The following ANGPT1 variants were observed in gnomAD, a reference collection of about 807,000 sequenced individuals.
ANGPT1 encodes angiopoietin 1.
Under a neutral mutation model 62.2 loss-of-function variants are expected in ANGPT1, and 17 were observed. The observed-to-expected ratio is 0.27, with a 90% confidence interval of 0.19 to 0.41. The LOEUF is 0.41. ANGPT1 is among the 10% of genes least tolerant of loss of function. ANGPT1 has a pLI of 1.00. For missense variants in ANGPT1, 478 were observed against 594.9 expected (o/e 0.80, Z 2.04); for synonymous variants, 199 against 198.9 (o/e 1.00, Z 0.00).
chr8:107,306,358 A>G (rs1246813107), intron 4 of ANGPT1, among the ~76,000 whole-genome samples: 1 of 152,168 alleles, frequency 6.6e-6, no homozygotes, highest in Non-Finnish European at 1.5e-5. Flanking sequence ...CATTGTTTAC[A>G]TTTAAGAAAA....
chr8:107,326,628 T>G (rs561109927), intron 3 of ANGPT1, among the ~76,000 whole-genome samples: 2 of 152,222 alleles, frequency 1.3e-5, no homozygotes, highest in Admixed American at 1.3e-4. Flanking sequence ...CCAAAATGGT[T>G]TCAATGCAAA....
chr8:107,253,531 T>G lies in ANGPT1; in HGVS notation c.1337-1516A>C, dbSNP rs114922025. ...TTTTCTGTGACCTTCTTGAAGCACTTTTCCATTGCATTAATGAACTTTTTT... is the reference window on the plus strand; with the variant it reads ...TTTTCTGTGACCTTCTTGAAGCACTGTTCCATTGCATTAATGAACTTTTTT... On this transcript the variant is annotated intron_variant, in intron 8 of 8. Coordinates refer to ENST00000517746, the MANE Select transcript of ANGPT1 (RefSeq NM_001146.5). Among the ~76,000 whole-genome samples the G allele has an allele frequency of 4.8e-3, 734 of 152,324 alleles. 4 individuals carry two copies. The highest frequency in any genetic ancestry group is 0.017 in the African/African-American group (696 of 41,574).
chr8:107,327,663 C>T (rs183361734), intron 3 of ANGPT1, among the ~76,000 whole-genome samples: 3 of 152,242 alleles, frequency 2.0e-5, no homozygotes, highest in African/African-American at 7.2e-5. Context: ...TAAATCTATA[C>T]AAATTGAGCT....
At chr8:107,323,079 T>C (rs932101827) in intron 3 of ANGPT1, among the ~76,000 whole-genome samples, 4 of 152,188 alleles carry the variant, frequency 2.6e-5, no homozygotes, top group African/African-American at 9.6e-5. Flanking sequence ...GGAGTTGGGA[T>C]GCTTTGCTCA....
chr8:107,293,641 G>A (rs1258993113), intron 6 of ANGPT1, among the ~76,000 whole-genome samples: 4 of 152,062 alleles, frequency 2.6e-5, no homozygotes, highest in Non-Finnish European at 5.9e-5. Flanking sequence ...CGTATCCAAC[G>A]AAGGTCTGAG....
intron 3 of ANGPT1, among the ~76,000 whole-genome samples, chr8:107,330,632 T>C (rs151241578): frequency 2.6e-5 from 4 of 152,234 alleles, no homozygotes; most frequent in East Asian, 1.9e-4. Context: ...GAGTGGCACA[T>C]AGCTTAAACC....
At chr8:107,342,458 T>C (rs867348440) in intron 2 of ANGPT1, among the ~76,000 whole-genome samples, 1 of 152,142 alleles carries the variant, frequency 6.6e-6, no homozygotes, top group Non-Finnish European at 1.5e-5. Flanking sequence ...GTAAACATCT[T>C]AGGCTTGGTG....
intron 5 of ANGPT1, among the ~76,000 whole-genome samples, chr8:107,299,238 A>G (rs1260421634): frequency 2.6e-5 from 4 of 151,118 alleles, no homozygotes; most frequent in Non-Finnish European, 5.9e-5. Flanking sequence ...TAATCCTCTG[A>G]TTAAAAGGGT....
At chr8:107,365,883 A>ACACACG (rs2130223443) in intron 1 of ANGPT1, among the ~76,000 whole-genome samples, 1 of 150,466 alleles carries the variant, frequency 6.6e-6, no homozygotes, top group East Asian at 1.9e-4. Context: ...ACACACACAC[A>ACACACG]CACACACGAT....
At chr8:107,333,957 A>AAAAG (rs61506555) in intron 3 of ANGPT1, among the ~76,000 whole-genome samples, 14,595 of 128,362 alleles carry the variant, frequency 0.11, 1,137 homozygotes, top group East Asian at 0.33. Context: ...AGAAAGAAAG[A>AAAAG]AAAGAAAGAA....
chr8:107,306,204 G>A (rs554471178), intron 4 of ANGPT1, among the ~76,000 whole-genome samples: 8 of 152,126 alleles, frequency 5.3e-5, no homozygotes, highest in African/African-American at 1.7e-4. Context: ...TCTAGGGGGT[G>A]GTGGATGCTG....
Position 107,477,962 on chromosome 8 carries a change from G to A in ANGPT1, c.297+19300C>T, listed in dbSNP as rs138188878. Among the ~76,000 whole-genome samples, 428 of 151,460 alleles carry A rather than the reference G, an allele frequency of 2.8e-3. 2 individuals carry two copies. Among genetic ancestry groups the A allele is most frequent in the African/African-American group, 8.8e-3 (364 of 41,384 alleles). ...TAAAATGAATAAATGACCATGACAT[G>A]AGTAAAGTAAATTGAGAGCTGGTCT... On this transcript the variant is annotated intron_variant, in intron 1 of 8. Transcript: ENST00000517746.
At chr8:107,310,336 G>A (rs1416793718) in intron 4 of ANGPT1, among the ~76,000 whole-genome samples, 1 of 152,076 alleles carries the variant, frequency 6.6e-6, no homozygotes, top group Non-Finnish European at 1.5e-5. Flanking sequence ...ACCAAAACTT[G>A]TAAGTAGTAG....
chr8:107,316,719 C>A (rs1373041416), intron 4 of ANGPT1, among the ~76,000 whole-genome samples: 3 of 152,128 alleles, frequency 2.0e-5, no homozygotes, highest in African/African-American at 7.2e-5. Context: ...GATCCTCTCT[C>A]TAAATTCATT....
intron 1 of ANGPT1, among the ~76,000 whole-genome samples, chr8:107,460,038 C>T (rs1221871103): frequency 6.6e-6 from 1 of 152,180 alleles, no homozygotes; most frequent in Admixed American, 6.5e-5. Context: ...ATCACCATTT[C>T]ACTACTTGTT....
At chr8:107,293,603 C>A (rs1357573827) in intron 6 of ANGPT1, among the ~76,000 whole-genome samples, 1 of 152,128 alleles carries the variant, frequency 6.6e-6, no homozygotes, top group Non-Finnish European at 1.5e-5. Context: ...CAACCTGCAA[C>A]CCTGCACAGC....
At chr8:107,434,839 A>G (rs1232469538) in intron 1 of ANGPT1, among the ~76,000 whole-genome samples, 1 of 152,216 alleles carries the variant, frequency 6.6e-6, no homozygotes, top group African/African-American at 2.4e-5. Flanking sequence ...GTCCCCACTG[A>G]ATCATGTTTA....
chr8:107,387,124 C>G (rs765497375), intron 1 of ANGPT1, among the ~76,000 whole-genome samples: 8 of 151,848 alleles, frequency 5.3e-5, no homozygotes, highest in Non-Finnish European at 1.2e-4. Context: ...AGTAAAACAC[C>G]CTAAGTAGTC....
intron 8 of ANGPT1, among the ~76,000 whole-genome samples, chr8:107,261,480 C>T (rs140118115): frequency 1.3e-4 from 19 of 151,144 alleles, no homozygotes; most frequent in African/African-American, 3.6e-4. Context: ...CCGAGGCGGT[C>T]GGATCATGAG....
Sources: gnomAD v4.1 joint callset for allele counts (sites outside exome capture counted in the v4.1 genomes callset) on GRCh38, gnomAD v4.1.1 for gene constraint, MANE v1.5 for transcripts, NCBI Gene and HGNC (gene_info 2026-07-23, HGNC 2026-07-21) for gene names.